The following KCNH1 variants were observed in gnomAD, a reference collection of about 807,000 sequenced individuals.
KCNH1 encodes the protein potassium voltage-gated channel subfamily H member 1, also known as voltage-gated delayed rectifier potassium channel KCNH1.
Under a neutral mutation model 69.2 loss-of-function variants are expected in KCNH1, and 27 were observed. The observed-to-expected ratio is 0.39, with a 90% CI of 0.29 to 0.54. The LOEUF (loss-of-function observed/expected upper bound fraction) is 0.54. Ranked by LOEUF, KCNH1 falls within the 20% of genes least tolerant of loss-of-function variation. The pLI, the probability that KCNH1 is intolerant of heterozygous loss-of-function variation, is 0.68. For synonymous variants in KCNH1, 456 were observed against 487.7 expected (o/e 0.93, Z 0.86); for missense variants, 798 against 1,261.6 (o/e 0.63, Z 5.57).
chr1:210,893,988 A>T (rs1260063040), intron 7 of KCNH1, among the ~76,000 whole-genome samples: 4 of 152,174 alleles, frequency 2.6e-5, no homozygotes. Flanking sequence ...ATATTGAAAC[A>T]TATGGAATAT....
chr1:211,003,652 G>T (rs1689228674), intron 6 of KCNH1, among the ~76,000 whole-genome samples: 1 of 152,112 alleles, frequency 6.6e-6, no homozygotes, highest in African/African-American at 2.4e-5. Flanking sequence ...AAGAGAAGGA[G>T]GAAGAGGAGG....
intron 10 of KCNH1, among the ~76,000 whole-genome samples, chr1:210,716,771 G>A (rs73067463): frequency 6.6e-6 from 1 of 152,166 alleles, no homozygotes; most frequent in Non-Finnish European, 1.5e-5. Flanking sequence ...TGCTCTCTCT[G>A]TTCCAACTAT....
At chr1:210,687,804 C>T (rs866774837) in intron 10 of KCNH1, among the ~76,000 whole-genome samples, 4 of 152,162 alleles carry the variant, frequency 2.6e-5, no homozygotes, top group Admixed American at 2.0e-4. Flanking sequence ...TGACTCATGA[C>T]AATGAGGTCT....
chr1:210,897,453 C>A (rs562095064), intron 7 of KCNH1, among the ~76,000 whole-genome samples: 1 of 152,160 alleles, frequency 6.6e-6, no homozygotes, highest in Admixed American at 6.5e-5. Flanking sequence ...ACTGCCTTCA[C>A]CTCAAACATC....
intron 9 of KCNH1, among the ~76,000 whole-genome samples, chr1:210,789,337 ATTG>A (rs1412096574): frequency 6.6e-6 from 1 of 152,172 alleles, no homozygotes; most frequent in African/African-American, 2.4e-5. Context: ...ATAGAAAGTT[ATTG>A]TTGTTTTTGT....
chr1:210,995,046 A>T (rs1689003031), intron 6 of KCNH1, among the ~76,000 whole-genome samples: 1 of 152,184 alleles, frequency 6.6e-6, no homozygotes, highest in Non-Finnish European at 1.5e-5. Flanking sequence ...TCCATTTCCC[A>T]TTCCTTCTTG....
intron 7 of KCNH1, chr1:210,859,179 T>G: frequency 1.3e-6 from 2 of 1,570,188 alleles, no homozygotes; most frequent in South Asian, 2.2e-5. Flanking sequence ...ATAACTCAAT[T>G]CATCCCTGGT....
At chr1:210,750,671 CAAAAGAT>C (rs1241300038) in intron 10 of KCNH1, among the ~76,000 whole-genome samples, 1 of 151,896 alleles carries the variant, frequency 6.6e-6, no homozygotes, top group African/African-American at 2.4e-5. Flanking sequence ...ACAGGGGAAT[CAAAAGAT>C]AAAGATAGGA....
chr1:211,116,503 T>C (rs1374237361), intron 1 of KCNH1, among the ~76,000 whole-genome samples: 1 of 152,192 alleles, frequency 6.6e-6, no homozygotes, highest in Non-Finnish European at 1.5e-5. Context: ...CACCTGGGGT[T>C]TCCACTGAGA....
At chr1:210,788,142 T>A (rs1326324178) in intron 9 of KCNH1, among the ~76,000 whole-genome samples, 7 of 152,266 alleles carry the variant, frequency 4.6e-5, no homozygotes, top group Admixed American at 4.6e-4. Flanking sequence ...CCCTTCTGAT[T>A]ATTTATAAAA....
chr1:211,058,845 A>G (rs1690365231), intron 5 of KCNH1, among the ~76,000 whole-genome samples: 1 of 152,250 alleles, frequency 6.6e-6, no homozygotes, highest in African/African-American at 2.4e-5. Flanking sequence ...TACAAGAAAC[A>G]TGCTTCACCT....
chr1:210,705,728 C>T (rs1396535968), intron 10 of KCNH1, among the ~76,000 whole-genome samples: 2 of 152,098 alleles, frequency 1.3e-5, no homozygotes, highest in Non-Finnish European at 2.9e-5. Context: ...ATGGGATCAG[C>T]ATTTCCCCCA....
At chr1:210,971,577 T>G (rs767260692) in intron 6 of KCNH1, among the ~76,000 whole-genome samples, 2 of 152,202 alleles carry the variant, frequency 1.3e-5, no homozygotes, top group Non-Finnish European at 2.9e-5. Flanking sequence ...TCTATGTATC[T>G]GGATGGTGAA....
At chr1:210,835,303 T>C (rs1452779992) in intron 7 of KCNH1, among the ~76,000 whole-genome samples, 1 of 152,130 alleles carries the variant, frequency 6.6e-6, no homozygotes, top group East Asian at 1.9e-4. Context: ...AAGTATTAAT[T>C]TTAACACAAA....
intron 6 of KCNH1, among the ~76,000 whole-genome samples, chr1:210,937,633 A>C (rs1276686165): frequency 6.6e-6 from 1 of 152,184 alleles, no homozygotes; most frequent in Non-Finnish European, 1.5e-5. Context: ...GTCCAGTAGC[A>C]GCAGCAGTGG....
At position 210,719,041 on chromosome 1, in the gene KCNH1, C is replaced by T. The variant is rs1574208002; in HGVS notation, c.2113-34903G>A. The stretch of plus-strand genomic sequence containing the variant: ...ATGCCTTCGCACCATGTAAAATTGC[C>T]CACAACTGCATTGTCCAGTATGGTA... On this transcript the variant is annotated intron_variant, in intron 10 of 10. Coordinates refer to ENST00000271751, the MANE Select transcript of KCNH1 (RefSeq NM_172362.3). Among the ~76,000 whole-genome samples, 4 of 152,126 alleles carry T rather than the reference C, an allele frequency of 2.6e-5. No individual in the cohort carries two copies. In the East Asian group the frequency reaches 7.7e-4, roughly 29 times the overall value.
intron 5 of KCNH1, among the ~76,000 whole-genome samples, chr1:211,073,293 C>T (rs1690679166): frequency 6.6e-6 from 1 of 152,176 alleles, no homozygotes; most frequent in Admixed American, 6.5e-5. Flanking sequence ...TTCAATGCCT[C>T]TCTATCAGAT....
At position 210,716,045 on chromosome 1, in the gene KCNH1, T is replaced by TAAAC. The variant is rs1287083748; in HGVS notation, c.2113-31911_2113-31908dup. Among the ~76,000 whole-genome samples, 17 of 152,246 alleles carry TAAAC rather than the reference T, an allele frequency of 1.1e-4. 1 individual carries two copies. The South Asian group carries it at 3.1e-3, about 28-fold the overall frequency. On this transcript the variant is annotated intron_variant, in intron 10 of 10. Transcript: ENST00000271751. ...GAAATTTATGTATCACATTCCCTTC[T>TAAAC]AAACAAACACTGCCCTGCTCTTGCC...
intron 8 of KCNH1, among the ~76,000 whole-genome samples, chr1:210,798,733 CTT>C (rs1255707243): frequency 6.6e-6 from 1 of 152,130 alleles, no homozygotes; most frequent in African/African-American, 2.4e-5. Context: ...GTGAGGGAAA[CTT>C]TGACTGGGAT....
Sources: gnomAD v4.1 joint callset for allele counts (sites outside exome capture counted in the v4.1 genomes callset) on GRCh38, gnomAD v4.1.1 for gene constraint, MANE v1.5 for transcripts, NCBI Gene and HGNC (gene_info 2026-07-23, HGNC 2026-07-21) for gene names.